Variants in SOS2 observed in about 807,000 individuals in gnomAD.
SOS2 encodes SOS Ras/Rho guanine nucleotide exchange factor 2.
A neutral mutation model predicts 148.2 loss-of-function variants in SOS2; 65 were observed. The observed-to-expected ratio is 0.44, with a 90% CI of 0.36 to 0.54. The LOEUF (loss-of-function observed/expected upper bound fraction) is 0.54, where lower values mean the gene tolerates loss of function less well. Ranked by LOEUF, SOS2 falls within the 20% of genes least tolerant of loss-of-function variation. The pLI, the probability that SOS2 is intolerant of heterozygous loss-of-function variation, is 0.00. For synonymous variants in SOS2, 539 were observed against 537.1 expected, an observed-to-expected ratio of 1.00 and a Z score of -0.05; for missense variants, 1,341 against 1,590.2, an observed-to-expected ratio of 0.84 and a Z score of 2.67.
chr14:50,150,846 C>A (rs1884640052), intron 13 of SOS2, among the ~76,000 whole-genome samples: 2 of 152,138 alleles, frequency 1.3e-5, no homozygotes, highest in African/African-American at 4.8e-5. Context: ...CCTCAGCCTC[C>A]TGAGTAGCTA....
At chr14:50,197,689 CTTTTTT>C (rs35121759) in intron 4 of SOS2, among the ~76,000 whole-genome samples, 1 of 125,848 alleles carries the variant, frequency 7.9e-6, no homozygotes, top group Non-Finnish European at 1.7e-5. Context: ...GCTTTACCAC[CTTTTTT>C]TTTTTTTTTT....
At chr14:50,178,146 C>A (rs1432640078) in intron 7 of SOS2, among the ~76,000 whole-genome samples, 1 of 152,162 alleles carries the variant, frequency 6.6e-6, no homozygotes, top group Non-Finnish European at 1.5e-5. Flanking sequence ...GTGTCCCCGT[C>A]CAAATCTCAT....
chr14:50,136,643 G>A (rs1370688071), intron 18 of SOS2, among the ~76,000 whole-genome samples: 1 of 149,632 alleles, frequency 6.7e-6, no homozygotes, highest in Non-Finnish European at 1.5e-5. Flanking sequence ...AGGCTAGAGT[G>A]CAGTGGCTCT....
chr14:50,147,632 T>C (rs992135705), intron 14 of SOS2, among the ~76,000 whole-genome samples: 2 of 151,954 alleles, frequency 1.3e-5, no homozygotes, highest in Non-Finnish European at 2.9e-5. Flanking sequence ...TTCAGGGTGG[T>C]AGTGCTTTCT....
chr14:50,169,666 T>C (rs1002092104), intron 8 of SOS2, among the ~76,000 whole-genome samples: 1 of 151,998 alleles, frequency 6.6e-6, no homozygotes, highest in South Asian at 2.1e-4. Flanking sequence ...ACATTGTTGG[T>C]TTATTGTTAC....
intron 6 of SOS2, among the ~76,000 whole-genome samples, chr14:50,181,555 T>C (rs573535722): frequency 4.3e-4 from 65 of 151,856 alleles, no homozygotes; most frequent in African/African-American, 1.5e-3. Context: ...CTATGGATAA[T>C]AGATAGTTAA....
At chr14:50,155,006 T>G (rs909798988) in intron 12 of SOS2, among the ~76,000 whole-genome samples, 3 of 151,912 alleles carry the variant, frequency 2.0e-5, no homozygotes, top group African/African-American at 7.3e-5. Flanking sequence ...AACACTGAAC[T>G]GTTAATGACA....
chr14:50,170,096 G>GA (rs1320223703), intron 8 of SOS2, among the ~76,000 whole-genome samples: 3 of 149,116 alleles, frequency 2.0e-5, no homozygotes, highest in East Asian at 2.0e-4. Context: ...CAGCTAATCT[G>GA]ATTTTTTTTT....
chr14:50,119,801 GC>G (rs1350095794), intron 22 of SOS2, among the ~76,000 whole-genome samples: 62 of 115,380 alleles, frequency 5.4e-4, no homozygotes, highest in African/African-American at 1.8e-3. Context: ...CTCCCAACCA[GC>G]CTTTTTTTTT....
At chr14:50,121,054 A>G (rs1338944459) in intron 21 of SOS2, among the ~76,000 whole-genome samples, 1 of 152,058 alleles carries the variant, frequency 6.6e-6, no homozygotes, top group Non-Finnish European at 1.5e-5. Flanking sequence ...TATATTTTTG[A>G]AGCAGCTATG....
At chr14:50,119,131 T>C (rs188312931) in intron 22 of SOS2, among the ~76,000 whole-genome samples, 207 of 152,294 alleles carry the variant, frequency 1.4e-3, no homozygotes, top group African/African-American at 4.8e-3. Context: ...TAATAGTAGG[T>C]AAGTGACAAT....
In SOS2 at chr14:50,173,828, A is replaced by T. The variant is rs1885443486; in HGVS notation, c.1068+626T>A. ...TCAAAAGATATGCTGGCTTCATATGAATAATATATAAGCATATATTTGGAT... is the reference window on the plus strand; with the variant it reads ...TCAAAAGATATGCTGGCTTCATATGTATAATATATAAGCATATATTTGGAT... On this transcript the variant is annotated intron_variant, in intron 8 of 22. Coordinates refer to ENST00000216373, the MANE Select transcript of SOS2 (RefSeq NM_006939.4). Among the ~76,000 whole-genome samples the T allele has an allele frequency of 2.6e-5, 4 of 152,306 alleles. No individual in the cohort carries two copies. In the South Asian group the frequency reaches 8.3e-4, roughly 32 times the overall value.
At chr14:50,207,521 C>T (rs1178333266) in intron 1 of SOS2, among the ~76,000 whole-genome samples, 1 of 146,146 alleles carries the variant, frequency 6.8e-6, no homozygotes, top group African/African-American at 2.5e-5. Context: ...TAAAAGAAAA[C>T]AAAATTATAG....
At chr14:50,178,671 C>T (rs7155321) in intron 7 of SOS2, among the ~76,000 whole-genome samples, 2,777 of 13,980 alleles carry the variant, frequency 0.2, 157 homozygotes, top group East Asian at 0.54. Flanking sequence ...TGTGTGTGTG[C>T]ATATATATAT....
chr14:50,154,154 C>T (rs1435331084), intron 12 of SOS2, among the ~76,000 whole-genome samples: 1 of 151,916 alleles, frequency 6.6e-6, no homozygotes, highest in African/African-American at 2.4e-5. Context: ...AGTAGGCAAG[C>T]CATGGAAAGA....
intron 1 of SOS2, among the ~76,000 whole-genome samples, chr14:50,206,476 C>T (rs1312573391): frequency 6.6e-6 from 1 of 152,060 alleles, no homozygotes; most frequent in Non-Finnish European, 1.5e-5. Context: ...ACTTGTAACA[C>T]CTAATACAAT....
intron 12 of SOS2, chr14:50,156,257 T>TGTACACACACACACACACACACAC (rs1555369885): frequency 3.9e-4 from 58 of 148,740 alleles, no homozygotes; most frequent in African/African-American, 1.4e-3. Context: ...TAGTGGTACG[T>TGTACACACACACACACACACACAC]ACACACACAC....
At position 50,130,714 on chromosome 14, in the gene SOS2, T is replaced by G; in HGVS notation, c.3124A>C (p.Thr1042Pro). The G allele has an allele frequency of 1.9e-6, 3 of 1,613,618 alleles. No homozygotes were observed. Among genetic ancestry groups the G allele is most frequent in the Admixed American group, 1.7e-5 (1 of 59,952 alleles). Residue 1042 changes from threonine to proline, a missense_variant, in exon 20 of 23, where the codon ACA (threonine) becomes CCA (proline). Thr to Pro is a conservative substitution (Grantham distance 38). Around this residue, in one of 4 missense-constraint regions of SOS2, gnomAD observed 408 missense variants for 506.6 expected, o/e 0.81. Transcript: ENST00000216373. ...SLKSPGIRPNTGRHGSTSGTL... is the reference protein window; with the variant it reads ...SLKSPGIRPNPGRHGSTSGTL... ...CCTGAGGTAGAGCCATGTCGGCCTG[T>G]GTTAGGCCTTATTCCAGGAGATTTT... is the stretch of plus-strand genomic sequence containing the variant.
At position 50,199,850 on chromosome 14, in the gene SOS2, T is replaced by C. The variant is rs1886428743; in HGVS notation, c.351A>G (p.Val117=). The change falls in exon 4 of 23, where the codon GTA becomes GTG. Residue 117 remains valine, a synonymous_variant. Transcript: ENST00000216373. ...VDKIHPSLKE[V]LGYKVDYHVS... The stretch of plus-strand genomic sequence containing the variant: ...CATGGTAGTCCACTTTGTACCCTAA[T>C]ACTTCCTGTGAAAAGAATAAATAAT... 6.4e-7 allele frequency: 1 copy of C among 1,559,770 alleles called. No homozygotes were observed. The highest frequency in any genetic ancestry group is 8.7e-7 in the Non-Finnish European group (1 of 1,144,934).
Sources: gnomAD v4.1 joint callset for allele counts (sites outside exome capture counted in the v4.1 genomes callset) on GRCh38, gnomAD v4.1.1 for gene constraint, gnomAD v4.1.1 regional missense constraint, MANE v1.5 for transcripts, NCBI Gene and HGNC (gene_info 2026-07-23, HGNC 2026-07-21) for gene names.